Variants in TRABD2B observed in about 807,000 individuals in gnomAD.
TRABD2B encodes metalloprotease TIKI2.
A neutral mutation model predicts 40.1 loss-of-function variants in TRABD2B; 14 were observed. The ratio of observed to expected loss-of-function variants is 0.35; its 90% CI spans 0.23 to 0.55. The LOEUF (loss-of-function observed/expected upper bound fraction) is 0.55, where lower values mean the gene tolerates loss of function less well. Among genes scored for constraint, TRABD2B ranks in the 20% least tolerant of loss-of-function variants. The pLI, the probability that TRABD2B is intolerant of heterozygous loss-of-function variation, is 0.90. For synonymous variants in TRABD2B, 263 were observed against 277.0 expected (o/e 0.95, Z 0.50); for missense variants, 541 against 648.6 (o/e 0.83, Z 1.80).
intron 2 of TRABD2B, among the ~76,000 whole-genome samples, chr1:47,811,258 C>T (rs1280086261): frequency 6.6e-6 from 1 of 152,034 alleles, no homozygotes; most frequent in Non-Finnish European, 1.5e-5. Flanking sequence ...CTCCCTTCCC[C>T]TCACCACCCC....
chr1:47,784,930 A>C (rs1422151320), intron 4 of TRABD2B, among the ~76,000 whole-genome samples: 1 of 152,192 alleles, frequency 6.6e-6, no homozygotes, highest in Non-Finnish European at 1.5e-5. Context: ...ATGGGCAGGC[A>C]AACACTCACA....
At chr1:47,931,636 C>T (rs2148342119) in intron 2 of TRABD2B, among the ~76,000 whole-genome samples, 1 of 152,294 alleles carries the variant, frequency 6.6e-6, no homozygotes, top group East Asian at 1.9e-4. Context: ...GCAAGTATCG[C>T]AGCTGCCATC....
intron 2 of TRABD2B, among the ~76,000 whole-genome samples, chr1:47,836,802 A>G (rs1047651852): frequency 1.3e-5 from 2 of 152,204 alleles, no homozygotes; most frequent in Non-Finnish European, 2.9e-5. Context: ...CCCTTCCACC[A>G]TATGAGGACA....
intron 2 of TRABD2B, among the ~76,000 whole-genome samples, chr1:47,869,603 G>A (rs1644111937): frequency 6.6e-6 from 1 of 152,212 alleles, no homozygotes. Flanking sequence ...TGGGGCTGTG[G>A]AGTTGACCAG....
intron 2 of TRABD2B, among the ~76,000 whole-genome samples, chr1:47,827,919 A>T (rs1360771978): frequency 6.6e-6 from 1 of 152,182 alleles, no homozygotes; most frequent in East Asian, 1.9e-4. Flanking sequence ...ACCTGGGGAC[A>T]GCTACTCCAA....
chr1:47,898,177 G>C (rs1447452319), intron 2 of TRABD2B, among the ~76,000 whole-genome samples: 2 of 152,202 alleles, frequency 1.3e-5, no homozygotes, highest in Admixed American at 6.5e-5. Context: ...GAATGTGGAG[G>C]AGGCAACTTG....
chr1:47,944,908 A>C (rs1249353999), intron 2 of TRABD2B, among the ~76,000 whole-genome samples: 1 of 152,200 alleles, frequency 6.6e-6, no homozygotes, highest in South Asian at 2.1e-4. Context: ...ACAAACACTC[A>C]TTAGATAGAA....
At chr1:47,810,171 C>T (rs1383128794) in intron 2 of TRABD2B, among the ~76,000 whole-genome samples, 1 of 148,500 alleles carries the variant, frequency 6.7e-6, no homozygotes, top group Admixed American at 6.7e-5. Flanking sequence ...CGCGCGCGCA[C>T]GTGTGTGTGT....
intron 2 of TRABD2B, among the ~76,000 whole-genome samples, chr1:47,821,815 C>T (rs559010991): frequency 6.6e-6 from 1 of 152,296 alleles, no homozygotes; most frequent in East Asian, 1.9e-4. Context: ...ACCCTGGTCA[C>T]CCTCTTTGTA....
At chr1:47,772,336 C>G (rs1007315206) in intron 6 of TRABD2B, among the ~76,000 whole-genome samples, 3 of 151,832 alleles carry the variant, frequency 2.0e-5, no homozygotes, top group Admixed American at 6.6e-5. Context: ...GAGAGAGGAG[C>G]AGGACGAAGG....
intron 2 of TRABD2B, among the ~76,000 whole-genome samples, chr1:47,979,704 T>C (rs529073592): frequency 6.6e-6 from 1 of 152,276 alleles, no homozygotes; most frequent in Non-Finnish European, 1.5e-5. Context: ...TGACACAAAA[T>C]GCAGGAAATG....
intron 2 of TRABD2B, among the ~76,000 whole-genome samples, chr1:47,966,234 A>G (rs1462562594): frequency 2.6e-5 from 4 of 152,036 alleles, no homozygotes; most frequent in South Asian, 4.2e-4. Flanking sequence ...CTGCTCCCCA[A>G]CACTGACCCA....
chr1:47,767,689 T>G (rs1644323114), intron 6 of TRABD2B, among the ~76,000 whole-genome samples: 1 of 152,212 alleles, frequency 6.6e-6, no homozygotes, highest in Non-Finnish European at 1.5e-5. Flanking sequence ...CCCTTTGGGC[T>G]GGCCAGCCTA....
intron 2 of TRABD2B, among the ~76,000 whole-genome samples, chr1:47,951,963 T>C (rs986248970): frequency 2.4e-4 from 37 of 152,346 alleles, no homozygotes; most frequent in South Asian, 8.3e-4. Flanking sequence ...GTCAAAGGCA[T>C]TGCCTGATCC....
intron 2 of TRABD2B, among the ~76,000 whole-genome samples, chr1:47,878,492 G>A (rs930932882): frequency 6.6e-6 from 1 of 152,196 alleles, no homozygotes; most frequent in African/African-American, 2.4e-5. Flanking sequence ...AAGATTTTTA[G>A]TGACACCATA....
intron 4 of TRABD2B, 41 bp downstream of exon 4, chr1:47,794,545 C>T: frequency 1.3e-6 from 2 of 1,481,996 alleles, no homozygotes; most frequent in Non-Finnish European, 1.8e-6. Flanking sequence ...GCAAATCTCC[C>T]AGGATTCTGC....
intron 2 of TRABD2B, among the ~76,000 whole-genome samples, chr1:47,814,210 CTGGAGTGCAGCCTGTGGCTGG>C (rs1228142206): frequency 6.6e-6 from 1 of 152,196 alleles, no homozygotes; most frequent in East Asian, 1.9e-4. Context: ...ACGGCAGGGG[CTGGAGTGCAGCCTGTGGCTGG>C]TGGAGGTGGA....
chr1:47,906,664 C>T (rs1474058580), intron 2 of TRABD2B, among the ~76,000 whole-genome samples: 1 of 152,206 alleles, frequency 6.6e-6, no homozygotes, highest in Non-Finnish European at 1.5e-5. Context: ...GGCTGTCAGC[C>T]GGCTGTCAAC....
intron 4 of TRABD2B, among the ~76,000 whole-genome samples, chr1:47,787,856 G>T (rs186804264): frequency 1.5e-4 from 23 of 152,270 alleles, no homozygotes; most frequent in Admixed American, 4.6e-4. Flanking sequence ...ATCCTAGACT[G>T]GGAGCATGAG....
Sources: gnomAD v4.1 joint callset for allele counts (sites outside exome capture counted in the v4.1 genomes callset) on GRCh38, gnomAD v4.1.1 for gene constraint, MANE v1.5 for transcripts, NCBI Gene and HGNC (gene_info 2026-07-23, HGNC 2026-07-21) for gene names.